The following GRIA4 variants were observed in gnomAD, a reference collection of about 807,000 sequenced individuals.
The protein encoded by GRIA4 is glutamate receptor 4.
In GRIA4, 34 loss-of-function variants were observed where a neutral mutation model predicts 104.0. The observed-to-expected ratio is 0.33, with a 90% CI of 0.25 to 0.44. The LOEUF is 0.44. Among genes scored for constraint, GRIA4 ranks in the 20% least tolerant of loss-of-function variants. The pLI is 1.00. For missense variants in GRIA4, 750 were observed against 1,096.5 expected (o/e 0.68, Z 4.46); for synonymous variants, 386 against 381.9 (o/e 1.01, Z -0.13).
intron 14 of GRIA4, among the ~76,000 whole-genome samples, chr11:105,956,025 G>A (rs1235098497): frequency 2.6e-5 from 4 of 152,130 alleles, no homozygotes; most frequent in East Asian, 1.9e-4. Flanking sequence ...GATATTAGAC[G>A]TTTGTCAGAC....
At chr11:105,786,243 A>G (rs773862844) in intron 4 of GRIA4, among the ~76,000 whole-genome samples, 1 of 151,854 alleles carries the variant, frequency 6.6e-6, no homozygotes, top group African/African-American at 2.4e-5. Flanking sequence ...CCACATTATG[A>G]CTCTTAAGAT....
chr11:105,741,216 G>C (rs1939282946), intron 3 of GRIA4, among the ~76,000 whole-genome samples: 1 of 152,138 alleles, frequency 6.6e-6, no homozygotes, highest in African/African-American at 2.4e-5. Context: ...CATGTTTTCT[G>C]TTGGAATGGC....
At chr11:105,774,702 A>T (rs1008507252) in intron 4 of GRIA4, among the ~76,000 whole-genome samples, 3 of 152,176 alleles carry the variant, frequency 2.0e-5, no homozygotes, top group Admixed American at 2.0e-4. Context: ...AAGAGAATAA[A>T]GAAATGAATT....
chr11:105,780,730 T>C (rs186485445), intron 4 of GRIA4, among the ~76,000 whole-genome samples: 237 of 152,256 alleles, frequency 1.6e-3, no homozygotes, highest in African/African-American at 5.5e-3. Flanking sequence ...TTTTACAAGA[T>C]GAAATGAAAG....
chr11:105,633,294 A>T (rs1197427783), intron 3 of GRIA4, among the ~76,000 whole-genome samples: 1 of 152,238 alleles, frequency 6.6e-6, no homozygotes. Context: ...TAGAAGATTT[A>T]TACATATTTC....
intron 5 of GRIA4, among the ~76,000 whole-genome samples, chr11:105,880,787 A>G (rs747893754): frequency 3.3e-5 from 5 of 152,216 alleles, no homozygotes; most frequent in Non-Finnish European, 7.3e-5. Flanking sequence ...TTAGATATCC[A>G]AATAGAGGTA....
chr11:105,652,728 T>A (rs1381612236), intron 3 of GRIA4, among the ~76,000 whole-genome samples: 1 of 149,386 alleles, frequency 6.7e-6, no homozygotes, highest in African/African-American at 2.6e-5. Flanking sequence ...TACACCATAG[T>A]ATCCCCTTAT....
chr11:105,705,823 C>A (rs1249157957), intron 3 of GRIA4, among the ~76,000 whole-genome samples: 2 of 152,114 alleles, frequency 1.3e-5, no homozygotes, highest in African/African-American at 4.8e-5. Flanking sequence ...ACTTGCACAC[C>A]TTTTTGGAGA....
intron 5 of GRIA4, among the ~76,000 whole-genome samples, chr11:105,885,297 C>G (rs1320481339): frequency 6.6e-6 from 1 of 152,200 alleles, no homozygotes; most frequent in Non-Finnish European, 1.5e-5. Context: ...CCTAATTCAG[C>G]TATTTCATAA....
intron 3 of GRIA4, among the ~76,000 whole-genome samples, chr11:105,663,425 T>G (rs953146153): frequency 6.6e-6 from 1 of 151,884 alleles, no homozygotes; most frequent in African/African-American, 2.4e-5. Flanking sequence ...TAAGGCACAG[T>G]CATTACTCTC....
intron 4 of GRIA4, among the ~76,000 whole-genome samples, chr11:105,859,210 TAA>T (rs1445490245): frequency 6.6e-6 from 1 of 152,168 alleles, no homozygotes; most frequent in Non-Finnish European, 1.5e-5. Flanking sequence ...CAATGAATAA[TAA>T]GAGAGCATAT....
At chr11:105,944,875 T>C (rs1239647641) in intron 14 of GRIA4, among the ~76,000 whole-genome samples, 2 of 152,180 alleles carry the variant, frequency 1.3e-5, no homozygotes, top group Non-Finnish European at 2.9e-5. Flanking sequence ...TTATTCATCC[T>C]GCCATTTCCC....
chr11:105,621,637 A>T (rs1039417739), intron 3 of GRIA4, among the ~76,000 whole-genome samples: 1 of 151,780 alleles, frequency 6.6e-6, no homozygotes, highest in Non-Finnish European at 1.5e-5. Context: ...ATCAATATTT[A>T]GATTATTTCC....
At chr11:105,775,253 C>T (rs1344531639) in intron 4 of GRIA4, among the ~76,000 whole-genome samples, 1 of 152,140 alleles carries the variant, frequency 6.6e-6, no homozygotes, top group Non-Finnish European at 1.5e-5. Context: ...CAAAACCCTT[C>T]ATTTAATCAC....
intron 3 of GRIA4, among the ~76,000 whole-genome samples, chr11:105,616,098 T>C (rs879394665): frequency 4.0e-5 from 6 of 151,750 alleles, no homozygotes; most frequent in Non-Finnish European, 1.5e-5. Context: ...ATTATCGTCT[T>C]GGTGAAATAA....
intron 4 of GRIA4, among the ~76,000 whole-genome samples, chr11:105,781,418 C>G (rs1457857075): frequency 6.6e-6 from 1 of 152,070 alleles, no homozygotes; most frequent in African/African-American, 2.4e-5. Flanking sequence ...TGCTCTTGTT[C>G]TTTTCTCTCC....
intron 4 of GRIA4, among the ~76,000 whole-genome samples, chr11:105,789,513 G>A (rs1184218007): frequency 6.6e-6 from 1 of 152,152 alleles, no homozygotes; most frequent in Non-Finnish European, 1.5e-5. Flanking sequence ...GACAGGTCAT[G>A]TATGTCCTCC....
chr11:105,935,245 T>C (rs78508233), intron 14 of GRIA4, among the ~76,000 whole-genome samples: 6,091 of 152,148 alleles, frequency 0.04, 375 homozygotes, highest in African/African-American at 0.14. Context: ...TCACAAAAAG[T>C]ACAGCATTAA....
intron 3 of GRIA4, among the ~76,000 whole-genome samples, chr11:105,658,000 C>T (rs1013446669): frequency 6.6e-6 from 1 of 151,350 alleles, no homozygotes; most frequent in Non-Finnish European, 1.5e-5. Flanking sequence ...TCTGTGTGTA[C>T]AAGTATTTTT....
Sources: gnomAD v4.1 joint callset for allele counts (sites outside exome capture counted in the v4.1 genomes callset) on GRCh38, gnomAD v4.1.1 for gene constraint, MANE v1.5 for transcripts, NCBI Gene and HGNC (gene_info 2026-07-23, HGNC 2026-07-21) for gene names.